SYT1: variants seen among roughly 807,000 people sequenced by gnomAD.
The protein encoded by SYT1 is synaptotagmin-1.
Under a neutral mutation model 44.8 loss-of-function variants are expected in SYT1, and 8 were observed. The observed-to-expected ratio is 0.18, with a 90% CI of 0.10 to 0.32. SYT1 has a LOEUF of 0.32. Among genes scored for constraint, SYT1 ranks in the 10% least tolerant of loss-of-function variants. The pLI is 1.00. For synonymous variants in SYT1, 154 were observed against 188.8 expected (o/e 0.82, Z 1.51); for missense variants, 286 against 509.3 (o/e 0.56, Z 4.22).
chr12:79,077,293 T>C (rs1876724882), intron 3 of SYT1, among the ~76,000 whole-genome samples: 1 of 152,158 alleles, frequency 6.6e-6, no homozygotes, highest in Non-Finnish European at 1.5e-5. Flanking sequence ...AATTCTGATA[T>C]TAAACATACT....
At chr12:78,958,345 T>C (rs1486760560) in intron 1 of SYT1, among the ~76,000 whole-genome samples, 1 of 152,142 alleles carries the variant, frequency 6.6e-6, no homozygotes, top group Non-Finnish European at 1.5e-5. Context: ...CCCCTGTTTA[T>C]ATAATTCTTA....
At chr12:79,387,566 T>C (rs1232750026) in intron 9 of SYT1, among the ~76,000 whole-genome samples, 2 of 152,208 alleles carry the variant, frequency 1.3e-5, no homozygotes, top group Non-Finnish European at 2.9e-5. Context: ...GAAATCACTG[T>C]AAAGAATATA....
In SYT1 at chr12:79,449,266, T is replaced by C. The variant is rs1174251451; in HGVS notation, c.*142T>C. The C allele has an allele frequency of 1.1e-6, 1 of 883,350 alleles. No individual in the cohort carries two copies. Among genetic ancestry groups the C allele is most frequent in the African/African-American group, 1.7e-5 (1 of 59,040 alleles). The allele number at this position is 883,350 out of a possible 1,614,324, so 54.7% of individuals were successfully genotyped here. A position where few individuals can be genotyped will look rare whatever the true frequency, so the allele number is the denominator to read the frequency against. The stretch of plus-strand genomic sequence containing the variant: ...AGTGGTACTTGGAATCCTGTTTTAA[T>C]TTGCACAAATTTAAATGTAGAGAGC... On this transcript the variant is annotated 3_prime_UTR_variant, in exon 11 of 11. Transcript: ENST00000261205.
chr12:78,896,010 C>A (rs564757308), intron 1 of SYT1, among the ~76,000 whole-genome samples: 1 of 151,706 alleles, frequency 6.6e-6, no homozygotes, highest in Non-Finnish European at 1.5e-5. Flanking sequence ...AATAATTATA[C>A]CTAATTTAAA....
At chr12:79,165,542 C>T (rs1871178985) in intron 3 of SYT1, among the ~76,000 whole-genome samples, 1 of 151,896 alleles carries the variant, frequency 6.6e-6, no homozygotes, top group Admixed American at 6.6e-5. Flanking sequence ...AAAATTTATT[C>T]TTCAAGCAGA....
chr12:78,972,126 G>C (rs1014858973), intron 1 of SYT1, among the ~76,000 whole-genome samples: 3 of 152,038 alleles, frequency 2.0e-5, no homozygotes, highest in Non-Finnish European at 4.4e-5. Context: ...CGGTGTAGGT[G>C]AAAGTCTCGC....
intron 2 of SYT1, among the ~76,000 whole-genome samples, chr12:79,013,933 C>A (rs1445633539): frequency 6.6e-6 from 1 of 151,854 alleles, no homozygotes; most frequent in Non-Finnish European, 1.5e-5. Flanking sequence ...TGAGACCCTC[C>A]TGGCCAACAT....
intron 1 of SYT1, among the ~76,000 whole-genome samples, chr12:78,921,608 C>G (rs1037996): frequency 5.3e-5 from 8 of 151,662 alleles, no homozygotes; most frequent in African/African-American, 1.9e-4. Flanking sequence ...GTGGATAGAA[C>G]AGGCAAAAAG....
chr12:79,286,394 G>A (rs1342859486), intron 5 of SYT1, among the ~76,000 whole-genome samples: 1 of 152,190 alleles, frequency 6.6e-6, no homozygotes, highest in Admixed American at 6.5e-5. Context: ...TTTTACGGCT[G>A]TTCATCAAAC....
chr12:79,124,565 A>G (rs781153099), intron 3 of SYT1, among the ~76,000 whole-genome samples: 18 of 152,020 alleles, frequency 1.2e-4, no homozygotes. Context: ...CATCATCATC[A>G]TCACCATCAC....
intron 3 of SYT1, among the ~76,000 whole-genome samples, chr12:79,123,631 C>T (rs1387132997): frequency 6.6e-6 from 1 of 152,194 alleles, no homozygotes; most frequent in South Asian, 2.1e-4. Flanking sequence ...GTGCATAGAA[C>T]CTTATTATAC....
At chr12:79,013,432 G>T (rs1237221499) in intron 2 of SYT1, among the ~76,000 whole-genome samples, 1 of 151,916 alleles carries the variant, frequency 6.6e-6, no homozygotes, top group African/African-American at 2.4e-5. Flanking sequence ...ACTCCAAGAG[G>T]GATTAACTGT....
At chr12:79,404,838 G>A (rs1247119289) in intron 9 of SYT1, among the ~76,000 whole-genome samples, 1 of 152,168 alleles carries the variant, frequency 6.6e-6, no homozygotes, top group East Asian at 1.9e-4. Flanking sequence ...AGATTGTCAA[G>A]GAGCATATTT....
intron 3 of SYT1, among the ~76,000 whole-genome samples, chr12:79,208,934 T>G (rs1874282444): frequency 6.6e-6 from 1 of 152,228 alleles, no homozygotes; most frequent in African/African-American, 2.4e-5. Flanking sequence ...AGGAAATTTT[T>G]GTGACTTGTT....
At chr12:79,051,126 G>C (rs1592702227) in intron 3 of SYT1, among the ~76,000 whole-genome samples, 1 of 151,448 alleles carries the variant, frequency 6.6e-6, no homozygotes, top group Middle Eastern at 3.4e-3. Flanking sequence ...ATTAAAAAAT[G>C]CATGTGTCGG....
At chr12:79,225,898 T>C (rs1875488767) in intron 4 of SYT1, among the ~76,000 whole-genome samples, 1 of 152,182 alleles carries the variant, frequency 6.6e-6, no homozygotes, top group Non-Finnish European at 1.5e-5. Flanking sequence ...CCCCCATCCT[T>C]GCTTTATTTC....
rs140523542 is a variant in SYT1 at position 79,117,306 on chromosome 12, A to T, written c.-18+69944A>T. Among the ~76,000 whole-genome samples, 3 of 152,192 alleles carry T rather than the reference A, an allele frequency of 2.0e-5. No individual in the cohort carries two copies. The East Asian group carries it at 5.8e-4, about 30-fold the overall frequency. ...TCACTTTGCATTTCTCTGCTTTAAT[A>T]TAATGAAGTCATTATCCATGCGGAC... On this transcript the variant is annotated intron_variant, in intron 3 of 10. Coordinates refer to ENST00000261205, the MANE Select transcript of SYT1 (RefSeq NM_005639.3).
chr12:78,958,563 C>T (rs1879335013), intron 1 of SYT1, among the ~76,000 whole-genome samples: 1 of 152,010 alleles, frequency 6.6e-6, no homozygotes, highest in Non-Finnish European at 1.5e-5. Context: ...GGTGTGGTGG[C>T]ACACACCTGA....
chr12:79,118,378 T>C (rs1032454847), intron 3 of SYT1, among the ~76,000 whole-genome samples: 1 of 152,194 alleles, frequency 6.6e-6, no homozygotes, highest in Non-Finnish European at 1.5e-5. Context: ...AGGTTAAACA[T>C]TTTTCAAGTG....
Sources: allele counts gnomAD v4.1 joint callset (sites outside exome capture counted in the v4.1 genomes callset), GRCh38; gene constraint gnomAD v4.1.1; transcripts MANE v1.5; gene names NCBI Gene and HGNC (gene_info 2026-07-23, HGNC 2026-07-21).